The following FOXP2 variants were observed in gnomAD, a reference collection of about 807,000 sequenced individuals.
FOXP2 encodes the protein forkhead box protein P2.
FOXP2 carries 12 observed loss-of-function variants against 115.8 expected under a neutral mutation model. The observed-to-expected ratio is 0.10, with a 90% CI of 0.07 to 0.17. The LOEUF (loss-of-function observed/expected upper bound fraction) is 0.17. Among genes scored for constraint, FOXP2 ranks in the 10% least tolerant of loss-of-function variants. The pLI, the probability that FOXP2 is intolerant of heterozygous loss-of-function variation, is 1.00. For missense variants in FOXP2, 629 were observed against 843.5 expected (o/e 0.75, Z 3.15); for synonymous variants, 328 against 297.7 (o/e 1.10, Z -1.05).
At chr7:114,188,651 A>C (rs1443872262) in intron 1 of FOXP2, among the ~76,000 whole-genome samples, 1 of 152,142 alleles carries the variant, frequency 6.6e-6, no homozygotes, top group Non-Finnish European at 1.5e-5. Flanking sequence ...GTGCAGTGGC[A>C]CCATCCTGGC....
chr7:114,345,389 C>G (rs764914954), intron 2 of FOXP2, among the ~76,000 whole-genome samples: 17 of 151,784 alleles, frequency 1.1e-4, no homozygotes, highest in Non-Finnish European at 1.9e-4. Context: ...AAGTTATTTA[C>G]TGTTATTCTA....
chr7:114,590,481 G>A lies in FOXP2; in HGVS notation c.259-38059G>A, dbSNP rs538421660. On this transcript the variant is annotated intron_variant, in intron 3 of 16. Transcript: ENST00000350908. ...TAGTGATACAAGCTTTTCTCTTGTT[G>A]CCTGCAGGCTGCCTAGGGGTTCCTG... Among the ~76,000 whole-genome samples the A allele has an allele frequency of 7.9e-5, 12 of 152,212 alleles. No homozygotes were observed. The South Asian group carries it at 2.3e-3, about 29-fold the overall frequency.
At chr7:114,106,973 C>T (rs1030232523) in intron 1 of FOXP2, among the ~76,000 whole-genome samples, 7 of 151,918 alleles carry the variant, frequency 4.6e-5, no homozygotes, top group East Asian at 1.9e-4. Flanking sequence ...GTTTAATATA[C>T]AAAATTTAAG....
intron 3 of FOXP2, among the ~76,000 whole-genome samples, chr7:114,615,969 T>C (rs1053012879): frequency 6.6e-6 from 1 of 152,308 alleles, no homozygotes; most frequent in Non-Finnish European, 1.5e-5. Flanking sequence ...TTTAACACCT[T>C]CTTTATTTCT....
upstream of FOXP2, among the ~76,000 whole-genome samples, chr7:114,160,782 C>CTGTGTGTGTGTGTGTGTG (rs34540150): frequency 2.0e-4 from 30 of 147,364 alleles, no homozygotes; most frequent in African/African-American, 6.2e-4. Flanking sequence ...AGTATATTTT[C>CTGTGTGTGTGTGTGTGTG]TGTGTGTGTG....
chr7:114,351,301 C>T (rs1791483219), intron 2 of FOXP2, among the ~76,000 whole-genome samples: 2 of 152,072 alleles, frequency 1.3e-5, no homozygotes, highest in South Asian at 2.1e-4. Flanking sequence ...ATATAGAATG[C>T]TACTGGTAAT....
chr7:114,639,515 T>C (rs1424395995), intron 6 of FOXP2, among the ~76,000 whole-genome samples: 1 of 150,020 alleles, frequency 6.7e-6, no homozygotes, highest in Non-Finnish European at 1.5e-5. Context: ...TTTCAGAAAC[T>C]GTTACATGAT....
At chr7:114,486,170 G>A (rs1339515829) in intron 2 of FOXP2, among the ~76,000 whole-genome samples, 1 of 152,144 alleles carries the variant, frequency 6.6e-6, no homozygotes, top group East Asian at 1.9e-4. Flanking sequence ...TAAAGTAAAG[G>A]AGGTTTAATG....
intron 2 of FOXP2, among the ~76,000 whole-genome samples, chr7:114,468,570 G>A (rs763585896): frequency 6.6e-5 from 10 of 151,838 alleles, no homozygotes; most frequent in South Asian, 2.1e-4. Flanking sequence ...ACGGGTCCTC[G>A]CTATAATGCC....
intron 2 of FOXP2, among the ~76,000 whole-genome samples, chr7:114,408,128 T>A (rs566097598): frequency 6.6e-6 from 1 of 152,300 alleles, no homozygotes; most frequent in Admixed American, 6.5e-5. Context: ...ATTTATGAGC[T>A]TATATCCTCA....
At chr7:114,542,696 G>A (rs1264568887) in intron 3 of FOXP2, among the ~76,000 whole-genome samples, 1 of 152,014 alleles carries the variant, frequency 6.6e-6, no homozygotes, top group Non-Finnish European at 1.5e-5. Context: ...AGATTGTGCT[G>A]ATTGTGATTA....
chr7:114,550,087 T>C (rs1196324369), intron 3 of FOXP2, among the ~76,000 whole-genome samples: 2 of 151,586 alleles, frequency 1.3e-5, no homozygotes, highest in Non-Finnish European at 2.9e-5. Flanking sequence ...ATGTTGTACA[T>C]TGAGAGCTCA....
At chr7:114,369,351 G>A (rs1302964368) in intron 2 of FOXP2, among the ~76,000 whole-genome samples, 1 of 152,112 alleles carries the variant, frequency 6.6e-6, no homozygotes, top group South Asian at 2.1e-4. Context: ...ACAGCAGAGG[G>A]GGTGAATTTT....
At chr7:114,655,552 G>A (rs1584999435) in intron 10 of FOXP2, among the ~76,000 whole-genome samples, 1 of 152,102 alleles carries the variant, frequency 6.6e-6, no homozygotes, top group East Asian at 1.9e-4. Context: ...CTGCACTATT[G>A]GCCTCAGATC....
At chr7:114,662,247 T>C in intron 14 of FOXP2, 61 bp downstream of exon 14, 1 of 1,605,894 alleles carries the variant, frequency 6.2e-7, no homozygotes, top group Non-Finnish European at 8.5e-7. Context: ...GTAAATACTT[T>C]AAGTTGGGGC....
At chr7:114,597,353 A>C (rs987988543) in intron 3 of FOXP2, among the ~76,000 whole-genome samples, 6 of 152,146 alleles carry the variant, frequency 3.9e-5, no homozygotes, top group Non-Finnish European at 8.8e-5. Context: ...TTTCACTGAA[A>C]GTATTTAAAA....
chr7:114,656,614 C>G, intron 10 of FOXP2: 2 of 350,998 alleles, frequency 5.7e-6, no homozygotes, highest in Non-Finnish European at 1.2e-5. Context: ...AAAGAATTCC[C>G]TACCCAGTCT....
intron 1 of FOXP2, among the ~76,000 whole-genome samples, chr7:114,219,214 A>C (rs1168109545): frequency 2.6e-5 from 4 of 152,216 alleles, no homozygotes; most frequent in Non-Finnish European, 5.9e-5. Flanking sequence ...GATTATATAA[A>C]ATTTTAATTA....
At chr7:114,614,943 G>A (rs1291852140) in intron 3 of FOXP2, among the ~76,000 whole-genome samples, 1 of 152,064 alleles carries the variant, frequency 6.6e-6, no homozygotes, top group Non-Finnish European at 1.5e-5. Flanking sequence ...AACTTTGGCT[G>A]GGCGCAGTGG....
Sources: gnomAD v4.1 joint callset for allele counts (sites outside exome capture counted in the v4.1 genomes callset) on GRCh38, gnomAD v4.1.1 for gene constraint, MANE v1.5 for transcripts, NCBI Gene and HGNC (gene_info 2026-07-23, HGNC 2026-07-21) for gene names.